FAR2: variants seen among roughly 807,000 people sequenced by gnomAD.
FAR2 encodes the protein fatty acyl-CoA reductase 2.
Under a neutral mutation model 56.0 loss-of-function variants are expected in FAR2, and 19 were observed. The ratio of observed to expected loss-of-function variants is 0.34; its 90% CI spans 0.24 to 0.50. The LOEUF (loss-of-function observed/expected upper bound fraction) is 0.50, where lower values mean the gene tolerates loss of function less well. Among genes scored for constraint, FAR2 ranks in the 20% least tolerant of loss-of-function variants. The pLI, the probability that FAR2 is intolerant of heterozygous loss-of-function variation, is 0.98. For missense variants in FAR2, 508 were observed against 642.2 expected (o/e 0.79, Z 2.26); for synonymous variants, 219 against 218.8 (o/e 1.00, Z -0.01).
chr12:29,294,701 A>T (rs2136753781), intron 3 of FAR2, among the ~76,000 whole-genome samples: 2 of 152,272 alleles, frequency 1.3e-5, no homozygotes, highest in South Asian at 2.1e-4. Context: ...AATTTATCAA[A>T]TGTCTTTCAA....
At chr12:29,214,081 A>G (rs1250709311) in intron 1 of FAR2, among the ~76,000 whole-genome samples, 2 of 152,198 alleles carry the variant, frequency 1.3e-5, no homozygotes, top group Non-Finnish European at 2.9e-5. Context: ...ATTTAAGCAC[A>G]TTTCGTCATC....
intron 1 of FAR2, among the ~76,000 whole-genome samples, chr12:29,164,772 A>G (rs539061048): frequency 6.6e-6 from 1 of 152,264 alleles, no homozygotes; most frequent in African/African-American, 2.4e-5. Flanking sequence ...TGAGTCTCCA[A>G]TTGTGCATGA....
In FAR2 at chr12:29,239,452, C is replaced by CTGTGTGTGTGTGTGTGTG. The variant is rs34821915; in HGVS notation, c.-38-30946_-38-30929dup. Among the ~76,000 whole-genome samples the CTGTGTGTGTGTGTGTGTG allele has an allele frequency of 7.4e-4, 109 of 147,940 alleles. No homozygotes were observed. In the East Asian group the frequency reaches 8.2e-3, roughly 11 times the overall value. On this transcript the variant is annotated intron_variant, in intron 1 of 11. Coordinates refer to ENST00000536681, the MANE Select transcript of FAR2 (RefSeq NM_001271783.2). ...AATGTGCCACAGCTAAATGAATCAA[C>CTGTGTGTGTGTGTGTGTG]TGTGTGTGTGTGTGTGTGTGTGTGT...
chr12:29,252,485 CCTTA>C (rs1948230634), intron 1 of FAR2, among the ~76,000 whole-genome samples: 1 of 152,174 alleles, frequency 6.6e-6, no homozygotes, highest in Non-Finnish European at 1.5e-5. Context: ...AATATTTCTT[CCTTA>C]CTTTGTTATG....
At chr12:29,253,063 T>A (rs1948238469) in intron 1 of FAR2, among the ~76,000 whole-genome samples, 1 of 152,076 alleles carries the variant, frequency 6.6e-6, no homozygotes, top group Non-Finnish European at 1.5e-5. Context: ...GGATTCAAAC[T>A]GCAACTCTTC....
intron 1 of FAR2, among the ~76,000 whole-genome samples, chr12:29,225,351 G>A (rs1046322109): frequency 1.2e-4 from 19 of 152,186 alleles, no homozygotes; most frequent in African/African-American, 4.3e-4. Flanking sequence ...AATGAGGTCT[G>A]CCTTTTAAGA....
chr12:29,236,541 G>C (rs2136658464), intron 1 of FAR2, among the ~76,000 whole-genome samples: 1 of 152,266 alleles, frequency 6.6e-6, no homozygotes, highest in East Asian at 1.9e-4. Context: ...CATCTTACCT[G>C]GCAGCAGGTG....
Position 29,188,735 on chromosome 12 carries a change from C to T in FAR2, c.-39+39328C>T, listed in dbSNP as rs528079920. On this transcript the variant is annotated intron_variant, in intron 1 of 11. Coordinates refer to ENST00000536681, the MANE Select transcript of FAR2 (RefSeq NM_001271783.2). Reference sequence around the variant, plus strand: ...TTTTCTCTGGTCTCTGATATTTCCTCAGTCTTTTCTTGTTTTTTTGTTTGT... The same window carrying T: ...TTTTCTCTGGTCTCTGATATTTCCTTAGTCTTTTCTTGTTTTTTTGTTTGT... Among the ~76,000 whole-genome samples the T allele has an allele frequency of 3.9e-5, 6 of 152,030 alleles. No individual in the cohort carries two copies. The South Asian group carries it at 1.2e-3, about 32-fold the overall frequency.
chr12:29,309,640 G>A (rs1438283694), intron 6 of FAR2: 2 of 155,958 alleles, frequency 1.3e-5, no homozygotes, highest in Admixed American at 6.5e-5. Flanking sequence ...AAGAGTTTAT[G>A]TGCGTGTGTA....
chr12:29,206,293 G>T (rs1239670299), intron 1 of FAR2, among the ~76,000 whole-genome samples: 1 of 152,188 alleles, frequency 6.6e-6, no homozygotes, highest in Non-Finnish European at 1.5e-5. Flanking sequence ...TTGGTACCAG[G>T]AGCAATTAAG....
chr12:29,204,409 T>C (rs538210652), intron 1 of FAR2, among the ~76,000 whole-genome samples: 2 of 152,270 alleles, frequency 1.3e-5, no homozygotes, highest in African/African-American at 2.4e-5. Flanking sequence ...ATCTGACAGA[T>C]AGTAACATGA....
chr12:29,221,704 C>T (rs1947693874), intron 1 of FAR2, among the ~76,000 whole-genome samples: 2 of 152,086 alleles, frequency 1.3e-5, no homozygotes, highest in East Asian at 1.9e-4. Context: ...ATGCTATATA[C>T]GTAAGAATGA....
At chr12:29,287,133 T>G (rs576712816) in intron 2 of FAR2, among the ~76,000 whole-genome samples, 2 of 152,292 alleles carry the variant, frequency 1.3e-5, no homozygotes, top group Admixed American at 1.3e-4. Context: ...CTAGAGACCA[T>G]GTTCAAAGAA....
intron 1 of FAR2, among the ~76,000 whole-genome samples, chr12:29,228,131 TA>T (rs1170209057): frequency 4.3e-5 from 6 of 137,974 alleles, no homozygotes; most frequent in African/African-American, 1.6e-4. Context: ...TAGAGTATAA[TA>T]AAAAAAAGGA....
chr12:29,176,458 ATT>A (rs567126075), intron 1 of FAR2, among the ~76,000 whole-genome samples: 5 of 150,502 alleles, frequency 3.3e-5, no homozygotes, highest in Non-Finnish European at 7.4e-5. Context: ...TTTAGTTTGC[ATT>A]TTTTTTTCAA....
chr12:29,270,378 G>A lies in FAR2; in HGVS notation c.-38-34G>A. ...GACTTTGAATATGAGAACTTCTGAA[G>A]ATGTAATCTTTTGTTATTTCTCTTC... On this transcript the variant is annotated intron_variant, in intron 1 of 11. Coordinates refer to ENST00000536681, the MANE Select transcript of FAR2 (RefSeq NM_001271783.2). 2 of 1,419,674 alleles carry A rather than the reference G, an allele frequency of 1.4e-6. 1 individual carries two copies. The highest frequency in any genetic ancestry group is 1.9e-6 in the Non-Finnish European group (2 of 1,056,902). 87.9% of individuals were successfully genotyped at this position (1,419,674 alleles called of 1,614,324 possible).
At chr12:29,253,405 GGACA>G (rs1460213899) in intron 1 of FAR2, among the ~76,000 whole-genome samples, 1 of 125,648 alleles carries the variant, frequency 8.0e-6, no homozygotes, top group Non-Finnish European at 1.8e-5. Flanking sequence ...CTAGATAGAT[GGACA>G]GATAGATAGA....
chr12:29,189,666 A>G (rs971733295), intron 1 of FAR2, among the ~76,000 whole-genome samples: 1 of 152,218 alleles, frequency 6.6e-6, no homozygotes, highest in African/African-American at 2.4e-5. Context: ...ATATTTATAT[A>G]TCTATCCATC....
intron 1 of FAR2, chr12:29,157,112 A>ATG (rs1555176824): frequency 9.7e-6 from 1 of 103,512 alleles, no homozygotes; most frequent in Non-Finnish European, 2.0e-5. Flanking sequence ...CATTTTATAT[A>ATG]TATATATATA....
Sources: gnomAD v4.1 joint callset for allele counts (sites outside exome capture counted in the v4.1 genomes callset) on GRCh38, gnomAD v4.1.1 for gene constraint, MANE v1.5 for transcripts, NCBI Gene and HGNC (gene_info 2026-07-23, HGNC 2026-07-21) for gene names.